Variants in GALNT13 observed in about 807,000 individuals in gnomAD.
The protein encoded by GALNT13 is polypeptide N-acetylgalactosaminyltransferase 13.
Under a neutral mutation model 64.2 loss-of-function variants are expected in GALNT13, and 28 were observed. The ratio of observed to expected loss-of-function variants is 0.44; its 90% CI spans 0.32 to 0.60. The LOEUF (loss-of-function observed/expected upper bound fraction) is 0.60, where lower values mean the gene tolerates loss of function less well. Among genes scored for constraint, GALNT13 ranks in the 20% least tolerant of loss-of-function variants. The probability of loss-of-function intolerance (pLI) is 0.05; values close to 1 mark genes in which losing one functional copy is unlikely to be tolerated. For synonymous variants in GALNT13, 214 were observed against 224.6 expected (o/e 0.95, Z 0.42); for missense variants, 577 against 669.8 (o/e 0.86, Z 1.53).
the GALNT13 span, among the ~76,000 whole-genome samples, chr2:153,105,344 T>A: frequency 1.3e-5 from 2 of 152,046 alleles, no homozygotes; most frequent in African/African-American, 4.8e-5. Context: ...AAAAACTCTC[T>A]ATAAATTAGG....
chr2:154,132,885 ACT>A (rs1230956900), intron 3 of GALNT13, among the ~76,000 whole-genome samples: 2 of 118,942 alleles, frequency 1.7e-5, no homozygotes, highest in Non-Finnish European at 3.5e-5. Context: ...ACAGGGCAAG[ACT>A]CTGTCTCAAA....
In GALNT13 at chr2:154,336,458, A is replaced by C. The variant is rs115207842; in HGVS notation, c.1156+34869A>C. ...GACCACAGGGGCCAATTTAAATTTCAAATCATCAATAGGGCTCATTTCATT... is the reference window on the plus strand; with the variant it reads ...GACCACAGGGGCCAATTTAAATTTCCAATCATCAATAGGGCTCATTTCATT... On this transcript the variant is annotated intron_variant, in intron 9 of 12. Transcript: ENST00000392825. 7.8e-3 allele frequency among the ~76,000 whole-genome samples: 1,182 copies of C among 152,240 alleles called. 13 individuals carry two copies. Among genetic ancestry groups the C allele is most frequent in the African/African-American group, 0.027 (1,125 of 41,570 alleles).
At chr2:154,317,294 G>A (rs1264392159) in intron 9 of GALNT13, among the ~76,000 whole-genome samples, 1 of 151,768 alleles carries the variant, frequency 6.6e-6, no homozygotes, top group Non-Finnish European at 1.5e-5. Flanking sequence ...TGTACAGATT[G>A]AGAAGATAAG....
chr2:153,761,236 A>G, the GALNT13 span, among the ~76,000 whole-genome samples: 1,307 of 152,226 alleles, frequency 8.6e-3, 58 homozygotes, highest in East Asian at 0.13. Flanking sequence ...GTAATTAGTG[A>G]TAGGTAAGAA....
the GALNT13 span, among the ~76,000 whole-genome samples, chr2:153,522,062 G>A: frequency 6.6e-6 from 1 of 151,988 alleles, no homozygotes; most frequent in Admixed American, 6.6e-5. Flanking sequence ...AATAAAAGAG[G>A]AGCACATCAT....
At chr2:153,746,824 T>C in the GALNT13 span, among the ~76,000 whole-genome samples, 1 of 152,212 alleles carries the variant, frequency 6.6e-6, no homozygotes, top group African/African-American at 2.4e-5. Context: ...TCAACTTTCA[T>C]TTCTCTAATG....
chr2:154,266,857 T>C (rs1451512069), intron 8 of GALNT13, among the ~76,000 whole-genome samples: 1 of 151,918 alleles, frequency 6.6e-6, no homozygotes, highest in East Asian at 1.9e-4. Context: ...AATTGACAAG[T>C]TGATTCTATC....
chr2:153,325,114 G>GTTTT, the GALNT13 span, among the ~76,000 whole-genome samples: 8 of 72,682 alleles, frequency 1.1e-4, 1 homozygote, highest in East Asian at 2.9e-3. Context: ...CTGGACCTGG[G>GTTTT]TTTTTTTTTT....
chr2:153,438,833 C>G, the GALNT13 span, among the ~76,000 whole-genome samples: 1 of 152,270 alleles, frequency 6.6e-6, no homozygotes, highest in South Asian at 2.1e-4. Flanking sequence ...CAAAGTCTTT[C>G]TCCATCCAGC....
At chr2:153,277,572 A>G in the GALNT13 span, among the ~76,000 whole-genome samples, 3 of 152,144 alleles carry the variant, frequency 2.0e-5, no homozygotes, top group Admixed American at 6.5e-5. Context: ...CATACCCAGT[A>G]ATGGGGTGCT....
chr2:153,689,523 G>C, the GALNT13 span, among the ~76,000 whole-genome samples: 1 of 151,924 alleles, frequency 6.6e-6, no homozygotes, highest in Non-Finnish European at 1.5e-5. Context: ...AAATCACGAA[G>C]ATATACTTTT....
At chr2:153,785,643 G>A in the GALNT13 span, among the ~76,000 whole-genome samples, 1 of 151,930 alleles carries the variant, frequency 6.6e-6, no homozygotes, top group African/African-American at 2.4e-5. Context: ...ACTGTTACTG[G>A]GAGTGTTCAG....
the GALNT13 span, among the ~76,000 whole-genome samples, chr2:153,539,617 C>G: frequency 6.6e-6 from 1 of 151,780 alleles, no homozygotes; most frequent in African/African-American, 2.4e-5. Context: ...ATATGGCTAG[C>G]CAGTTTTCCC....
At chr2:153,544,743 C>T in the GALNT13 span, among the ~76,000 whole-genome samples, 2 of 152,144 alleles carry the variant, frequency 1.3e-5, no homozygotes, top group Non-Finnish European at 2.9e-5. Context: ...TAGCTGAGAA[C>T]TCAATGTTTT....
the GALNT13 span, among the ~76,000 whole-genome samples, chr2:153,141,740 A>G: frequency 4.6e-5 from 7 of 152,172 alleles, no homozygotes; most frequent in South Asian, 1.5e-3. Context: ...AGAGGGTCTC[A>G]GAGCTCCCCA....
At chr2:153,423,402 C>G in the GALNT13 span, 1 of 151,680 alleles carries the variant, frequency 6.6e-6, no homozygotes, top group Non-Finnish European at 1.5e-5. Context: ...TTACTTTAAC[C>G]AAGATACTTT....
the GALNT13 span, among the ~76,000 whole-genome samples, chr2:153,800,863 T>C: frequency 6.6e-6 from 1 of 152,312 alleles, no homozygotes. Flanking sequence ...AAGCTATTAC[T>C]TCCACATTGA....
the GALNT13 span, among the ~76,000 whole-genome samples, chr2:153,456,104 GAC>G: frequency 6.6e-6 from 1 of 152,120 alleles, no homozygotes; most frequent in Non-Finnish European, 1.5e-5. Context: ...AATTTTTATA[GAC>G]ACATGATGGG....
the GALNT13 span, among the ~76,000 whole-genome samples, chr2:153,368,970 T>A: frequency 6.6e-6 from 1 of 151,494 alleles, no homozygotes; most frequent in African/African-American, 2.4e-5. Flanking sequence ...TCATACAAAG[T>A]ATATTATTGG....
Sources: allele counts gnomAD v4.1 joint callset (sites outside exome capture counted in the v4.1 genomes callset), GRCh38; gene constraint gnomAD v4.1.1; transcripts MANE v1.5; gene names NCBI Gene and HGNC (gene_info 2026-07-23, HGNC 2026-07-21).